The following HCST variants were observed in gnomAD, a reference collection of about 807,000 sequenced individuals.
HCST encodes DNAX-activation protein 10.
Under a neutral mutation model 10.8 loss-of-function variants are expected in HCST, and 12 were observed. The observed-to-expected ratio is 1.12, with a 90% confidence interval of 0.72 to 1.81. The LOEUF (loss-of-function observed/expected upper bound fraction) is 1.81. Ranked by LOEUF, HCST falls within the 40% of genes most tolerant of loss-of-function variation. HCST has a pLI of 0.00. For synonymous variants in HCST, 59 were observed against 51.6 expected (o/e 1.14, Z -0.61); for missense variants, 102 against 117.9 (o/e 0.87, Z 0.62).
rs1372381394 is a variant in HCST, at chr19:35,904,204, G to A, written c.*44G>A. The stretch of plus-strand genomic sequence containing the variant: ...CTTTGACTTCTGACCCTCTCATCCT[G>A]GATGGTGTGTGGTGGCACAGGAACC... On this transcript the variant is annotated 3_prime_UTR_variant, in exon 4 of 4. Coordinates refer to ENST00000246551, the MANE Select transcript of HCST (RefSeq NM_014266.4). 1.9e-6 allele frequency: 3 copies of A among 1,599,960 alleles called. No homozygotes were observed. Among genetic ancestry groups the A allele is most frequent in the Non-Finnish European group, 2.6e-6 (3 of 1,167,246 alleles).
At chr19:35,902,733 C>G in intron 1 of HCST, 97 bp downstream of exon 1, 1 of 1,213,156 alleles carries the variant, frequency 8.2e-7, no homozygotes. Context: ...TGGGGTTCTT[C>G]TCCCTGCACC....
chr19:35,903,758 C>G lies in HCST; in HGVS notation c.110-14C>G, dbSNP rs1399434365. ...AGCTTGAGTTGTCTCCCTGTTCCGG[C>G]CCCCACTCTCCAGGCTCTTGTTCCG... On this transcript the variant is annotated splice_polypyrimidine_tract_variant and intron_variant, in intron 2 of 3. Transcript: ENST00000246551. 7.4e-6 allele frequency: 12 copies of G among 1,613,918 alleles called. No individual in the cohort carries two copies. In the Admixed American group the frequency reaches 2.0e-4, roughly 27 times the overall value.
chr19:35,903,949 A>G, intron 3 of HCST, 46 bp downstream of exon 3: 2 of 1,586,776 alleles, frequency 1.3e-6, no homozygotes, highest in Non-Finnish European at 1.7e-6. Context: ...TAGTGTCCCT[A>G]GGGAGGGGGT....
chr19:35,903,864 G>A lies in HCST; in HGVS notation c.202G>A (p.Val68Met), dbSNP rs542784345. 1.2e-6 allele frequency: 2 copies of A among 1,613,172 alleles called. No homozygotes were observed. Among genetic ancestry groups the A allele is most frequent in the African/African-American group, 1.3e-5 (1 of 75,062 alleles). The change falls in exon 3 of 4, where the codon GTG becomes ATG. Residue 68 changes from valine (V) to methionine (M), a missense_variant. Val to Met is a conservative substitution (Grantham distance 21). Transcript: ENST00000246551. ...GGCATCGCTGCTCATCGTGGGGGCG[G>A]TGTTCCTGTGCGCACGCCCACGCCG... is the stretch of plus-strand genomic sequence containing the variant. ...AVASLLIVGA[V>M]FLCARPRRSP... is the part of the protein sequence containing the mutation.
chr19:35,903,434 G>A lies in HCST; in HGVS notation c.109+18G>A. On this transcript the variant is annotated intron_variant, in intron 2 of 3. Transcript: ENST00000246551. ...CACTTCAGGTATCACTTCCACCCCA[G>A]AAGCTTGGCCAGAGGCTCCCAGAAC... is the stretch of plus-strand genomic sequence containing the variant. 1 of 1,611,016 alleles carries A rather than the reference G, an allele frequency of 6.2e-7. No individual in the cohort carries two copies. Among genetic ancestry groups the A allele is most frequent in the Non-Finnish European group, 8.5e-7 (1 of 1,177,460 alleles).
chr19:35,903,090 A>AG (rs1975621238), intron 1 of HCST: 1 of 472,172 alleles, frequency 2.1e-6, no homozygotes, highest in Non-Finnish European at 3.9e-6. Flanking sequence ...TCCTGGGCTC[A>AG]GGTGATCCTC....
In HCST at chr19:35,903,902, A is replaced by T. The variant is rs531538169; in HGVS notation, c.240A>T (p.Gln80His). ...CACGCCCACGCCGCAGCCCCGCCCA[A>T]GGTGAGGGCGGAGATGGGCGGGGCC... ...LCARPRRSPA[Q>H]EDGKVYINMP... is the part of the protein sequence containing the mutation. The change falls in exon 3 of 4, where the codon CAA becomes CAT. Residue 80 changes from glutamine (Q) to histidine (H), a missense_variant and splice_region_variant. Gln to His is a conservative substitution (Grantham distance 24). Coordinates refer to ENST00000246551, the MANE Select transcript of HCST (RefSeq NM_014266.4). The T allele has an allele frequency of 6.2e-7, 1 of 1,610,640 alleles. No individual in the cohort carries two copies. The highest frequency in any genetic ancestry group is 2.2e-5 in the East Asian group (1 of 44,846).
chr19:35,903,697 C>A lies in HCST; in HGVS notation c.110-75C>A. 6.8e-6 allele frequency: 11 copies of A among 1,609,242 alleles called. No homozygotes were observed. In the South Asian group the frequency reaches 1.2e-4, roughly 18 times the overall value. ...CCCGCCCCCTCGCAGGGGACTTCCTCTCTGCCTGTGGCCAAAGCACAGCCC... is the reference window on the plus strand; with the variant it reads ...CCCGCCCCCTCGCAGGGGACTTCCTATCTGCCTGTGGCCAAAGCACAGCCC... On this transcript the variant is annotated intron_variant, in intron 2 of 3. Transcript: ENST00000246551.
At chr19:35,902,794 C>T (rs943921246) in intron 1 of HCST, 158 bp downstream of exon 1, 5 of 718,952 alleles carry the variant, frequency 7.0e-6, no homozygotes, top group Admixed American at 2.6e-5. Context: ...TCCTTGGGGG[C>T]GGAAGGGGGT....
At chr19:35,903,706 T>C in intron 2 of HCST, 66 bp from the exon 3 acceptor site, 1 of 1,611,316 alleles carries the variant, frequency 6.2e-7, no homozygotes, top group Non-Finnish European at 8.5e-7. Flanking sequence ...TCTCTGCCTG[T>C]GGCCAAAGCA....
intron 1 of HCST, 105 bp downstream of exon 1, chr19:35,902,741 A>G (rs914591915): frequency 8.7e-7 from 1 of 1,155,786 alleles, no homozygotes; most frequent in African/African-American, 1.5e-5. Context: ...TTCTCCCTGC[A>G]CCCCTTCCCT....
At chr19:35,903,966 G>C in intron 3 of HCST, 63 bp downstream of exon 3, 1 of 1,578,722 alleles carries the variant, frequency 6.3e-7, no homozygotes, top group Non-Finnish European at 8.6e-7. Flanking sequence ...GGGTCCCAGG[G>C]AGGGGGCCCT....
intron 3 of HCST, 44 bp downstream of exon 3, chr19:35,903,947 C>T: frequency 1.9e-6 from 3 of 1,588,140 alleles, no homozygotes; most frequent in South Asian, 1.1e-5. Context: ...TATAGTGTCC[C>T]TAGGGAGGGG....
chr19:35,903,640 A>T (rs554725563), intron 2 of HCST, 132 bp from the exon 3 acceptor site: 84 of 1,341,394 alleles, frequency 6.3e-5, no homozygotes, highest in Non-Finnish European at 1.4e-5. Flanking sequence ...CTCCCGTTTC[A>T]TTCCCCAAGC....
intron 2 of HCST, 147 bp from the exon 3 acceptor site, chr19:35,903,625 T>A: frequency 8.3e-7 from 1 of 1,206,316 alleles, no homozygotes; most frequent in Non-Finnish European, 1.2e-6. Flanking sequence ...CCTCTCTGCA[T>A]CTGTCTCCCG....
rs1474107970 is a variant in HCST, at chr19:35,904,369, C to G, written c.*209C>G. On this transcript the variant is annotated 3_prime_UTR_variant, in exon 4 of 4. Transcript: ENST00000246551. ...AGGCCCCCTCAGAACCCCCACATGT[C>G]CCCATCCCATCAGCCCAAGGATCTG... The G allele has an allele frequency of 3.7e-6, 3 of 800,408 alleles. No homozygotes were observed. Among genetic ancestry groups the G allele is most frequent in the Non-Finnish European group, 6.4e-6 (3 of 471,944 alleles). 49.6% of individuals were successfully genotyped at this position (800,408 alleles called of 1,614,324 possible). A position where few individuals can be genotyped will look rare whatever the true frequency, so the allele number is the denominator to read the frequency against.
At position 35,903,332 on chromosome 19, in the gene HCST, CT is replaced by C; in HGVS notation, c.44-17del. On this transcript the variant is annotated intron_variant, in intron 1 of 3. Coordinates refer to ENST00000246551, the MANE Select transcript of HCST (RefSeq NM_014266.4). ...GGACCTTCTCTCCACCCTCATCCAC[CT>C]TCTTTCTCTTTCCACAGTGGCTGCA... 2 of 1,610,232 alleles carry C rather than the reference CT, an allele frequency of 1.2e-6. No homozygotes were observed. Among genetic ancestry groups the C allele is most frequent in the Non-Finnish European group, 8.5e-7 (1 of 1,177,292 alleles).
intron 2 of HCST, 158 bp downstream of exon 2, chr19:35,903,574 T>C (rs1276649639): frequency 1.0e-6 from 1 of 997,258 alleles, no homozygotes; most frequent in Non-Finnish European, 1.5e-6. Flanking sequence ...GAGCACCCCG[T>C]GTGCCCGCCG....
rs1469815797 is a variant in HCST, at chr19:35,903,882, C to A, written c.220C>A (p.Pro74Thr). The A allele has an allele frequency of 6.2e-7, 1 of 1,612,102 alleles. No individual in the cohort carries two copies. The highest frequency in any genetic ancestry group is 8.5e-7 in the Non-Finnish European group (1 of 1,179,560). Residue 74 changes from proline (P) to threonine (T), a missense_variant, in exon 3 of 4, where the codon CCA becomes ACA. By Grantham distance (38) the Pro-to-Thr change is conservative. Transcript: ENST00000246551. Reference protein sequence around the residue: ...IVGAVFLCARPRRSPAQEDGK... With the variant: ...IVGAVFLCARTRRSPAQEDGK... ...GGGGGCGGTGTTCCTGTGCGCACGCCCACGCCGCAGCCCCGCCCAAGGTGA... is the reference window on the plus strand; with the variant it reads ...GGGGGCGGTGTTCCTGTGCGCACGCACACGCCGCAGCCCCGCCCAAGGTGA...
Sources: allele counts gnomAD v4.1 joint callset, GRCh38; gene constraint gnomAD v4.1.1; transcripts MANE v1.5; gene names NCBI Gene and HGNC (gene_info 2026-07-23, HGNC 2026-07-21).